Variants in TMEM62 observed in about 807,000 individuals in gnomAD.
TMEM62 encodes the protein transmembrane protein 62.
A neutral mutation model predicts 70.4 loss-of-function variants in TMEM62; 41 were observed. That is an observed-to-expected ratio of 0.58 (90% CI 0.45 to 0.76). TMEM62 has a LOEUF of 0.76. TMEM62 is among the 30% of genes least tolerant of loss of function. The pLI, the probability that TMEM62 is intolerant of heterozygous loss-of-function variation, is 0.00. For synonymous variants in TMEM62, 268 were observed against 291.0 expected, an observed-to-expected ratio of 0.92 and a Z score of 0.80; for missense variants, 688 against 788.5, an observed-to-expected ratio of 0.87 and a Z score of 1.53.
chr15:43,184,883 G>C lies in TMEM62; in HGVS notation c.*297G>C. The C allele has an allele frequency of 2.3e-6, 1 of 442,170 alleles. No individual in the cohort carries two copies. Among genetic ancestry groups the C allele is most frequent in the Non-Finnish European group, 4.1e-6 (1 of 244,348 alleles). 27.4% of individuals were successfully genotyped at this position (442,170 alleles called of 1,614,324 possible). On this transcript the variant is annotated 3_prime_UTR_variant, in exon 14 of 14. Transcript: ENST00000260403. ...AGGACATCCACAGGGTAGAGGTTGG[G>C]TGTGTGTACGGGAGTGTCTGAGGCC...
intron 8 of TMEM62, among the ~76,000 whole-genome samples, chr15:43,153,335 T>G (rs2037638607): frequency 6.6e-6 from 1 of 152,168 alleles, no homozygotes; most frequent in Non-Finnish European, 1.5e-5. Flanking sequence ...TAGCATTAAG[T>G]TTGCTTCAAG....
rs770692932 is a variant in TMEM62, at chr15:43,151,964, G to T, written c.1022+19G>T. 37 of 1,573,536 alleles carry T rather than the reference G, an allele frequency of 2.4e-5. No individual in the cohort carries two copies. The highest frequency in any genetic ancestry group is 3.7e-5 in the Admixed American group (2 of 53,524). ...ACATCAGGTATGTAGCAATTTTTTA[G>T]AATTTACTTTCAGTTTGATAATGAA... On this transcript the variant is annotated intron_variant, in intron 8 of 13. Transcript: ENST00000260403.
chr15:43,133,894 A>T lies in TMEM62; in HGVS notation c.92A>T (p.Gln31Leu). 1 of 1,499,640 alleles carries T rather than the reference A, an allele frequency of 6.7e-7. No homozygotes were observed. Among genetic ancestry groups the T allele is most frequent in the Non-Finnish European group, 8.8e-7 (1 of 1,132,400 alleles). 92.9% of individuals were successfully genotyped at this position (1,499,640 alleles called of 1,614,324 possible). Residue 31 changes from glutamine (Q) to leucine (L), a missense_variant, in exon 1 of 14, where the codon CAG becomes CTG. Transcript: ENST00000260403. ...MLLEHYGLAG[Q>L]PSPLPRPAPP... is the part of the protein sequence containing the mutation. ...TTGGAGCACTACGGCCTGGCGGGCC[A>T]GCCCTCGCCGCTGCCGCGCCCCGCG...
chr15:43,184,726 G>C lies in TMEM62; in HGVS notation c.*140G>C. 1 of 703,666 alleles carries C rather than the reference G, an allele frequency of 1.4e-6. No homozygotes were observed. Among genetic ancestry groups the C allele is most frequent in the South Asian group, 1.8e-5 (1 of 54,304 alleles). 43.6% of individuals were successfully genotyped at this position (703,666 alleles called of 1,614,324 possible). Reference sequence around the variant, plus strand: ...CAGCTGCTCGTTTGGAGTCCTGGACGTTGGAGGGATTACCCACTACTGATA... The same window carrying C: ...CAGCTGCTCGTTTGGAGTCCTGGACCTTGGAGGGATTACCCACTACTGATA... On this transcript the variant is annotated 3_prime_UTR_variant, in exon 14 of 14. Coordinates refer to ENST00000260403, the MANE Select transcript of TMEM62 (RefSeq NM_024956.4).
chr15:43,140,221 G>C (rs745642686), intron 4 of TMEM62, among the ~76,000 whole-genome samples: 1 of 152,200 alleles, frequency 6.6e-6, no homozygotes, highest in East Asian at 1.9e-4. Context: ...GCTGCGTACT[G>C]TTCAATGAGA....
At chr15:43,178,786 C>T in intron 12 of TMEM62, 75 bp downstream of exon 12, 2 of 828,396 alleles carry the variant, frequency 2.4e-6, no homozygotes, top group Non-Finnish European at 3.8e-6. Flanking sequence ...GAATTAGACT[C>T]TTGAGGGTAT....
chr15:43,167,996 C>A (rs1048293036), intron 10 of TMEM62, among the ~76,000 whole-genome samples: 2 of 151,946 alleles, frequency 1.3e-5, no homozygotes, highest in African/African-American at 4.8e-5. Flanking sequence ...TGGCGGCGCA[C>A]GCCTGCAATC....
Position 43,184,613 on chromosome 15 carries a change from G to C in TMEM62, c.*27G>C. On this transcript the variant is annotated 3_prime_UTR_variant, in exon 14 of 14. Transcript: ENST00000260403. ...GGCCATGTCTCACCACTGGCAGCTG[G>C]GCAGAAGCCCAGCCTCTGTGTCTGT... 6.3e-7 allele frequency: 1 copy of C among 1,595,300 alleles called. No individual in the cohort carries two copies.
Position 43,156,397 on chromosome 15 carries a change from G to A in TMEM62, c.1182+1566G>A, listed in dbSNP as rs1463078264. Among the ~76,000 whole-genome samples, 4 of 152,148 alleles carry A rather than the reference G, an allele frequency of 2.6e-5. No individual in the cohort carries two copies. The East Asian group carries it at 5.8e-4, about 22-fold the overall frequency. ...ATCCATCTTTAAAATGTTCTGTGTA[G>A]AAGGAAGAAAAAACTTACAGCAGAA... On this transcript the variant is annotated intron_variant, in intron 9 of 13. Transcript: ENST00000260403.
In TMEM62 at chr15:43,177,781, C is replaced by A. The variant is rs537401863; in HGVS notation, c.1382-826C>A. ...CCAAACACCGTATGTTCTCACTCAT[C>A]GGTGGGAATTGAACAATGAGAACAC... On this transcript the variant is annotated intron_variant, in intron 11 of 13. Coordinates refer to ENST00000260403, the MANE Select transcript of TMEM62 (RefSeq NM_024956.4). Among the ~76,000 whole-genome samples, 206 of 151,628 alleles carry A rather than the reference C, an allele frequency of 1.4e-3. 2 individuals are homozygous for A. The highest frequency in any genetic ancestry group is 3.3e-3 in the African/African-American group (138 of 41,216).
chr15:43,146,501 C>A lies in TMEM62; in HGVS notation c.485C>A (p.Ser162Tyr). The A allele has an allele frequency of 6.2e-7, 1 of 1,607,500 alleles. No homozygotes were observed. Among genetic ancestry groups the A allele is most frequent in the Admixed American group, 1.7e-5 (1 of 58,090 alleles). The change falls in exon 5 of 14, where the codon TCT (serine) becomes TAT (tyrosine). Residue 162 changes from serine to tyrosine, a missense_variant. Transcript: ENST00000260403. ...TGTCTTCTATTTTTTAGGAAATATT[C>A]TGCTGTACGTAGAGATGGCTCTTTC... Reference protein sequence around the residue: ...DSIKNYYRKYSAVRRDGSFHY... With the variant: ...DSIKNYYRKYYAVRRDGSFHY...
At chr15:43,164,517 C>T (rs1376491420) in intron 10 of TMEM62, among the ~76,000 whole-genome samples, 2 of 150,344 alleles carry the variant, frequency 1.3e-5, no homozygotes, top group East Asian at 3.9e-4. Flanking sequence ...GCCAATACAA[C>T]CAGCTAATTT....
rs193087163 is a variant in TMEM62, at chr15:43,146,544, T to C, written c.528T>C (p.Thr176=). 4.3e-6 allele frequency: 7 copies of C among 1,613,746 alleles called. No homozygotes were observed. Among genetic ancestry groups the C allele is most frequent in the Admixed American group, 1.7e-5 (1 of 60,002 alleles). Residue 176 remains threonine, a synonymous_variant, in exon 5 of 14, where the codon ACT becomes ACC. Coordinates refer to ENST00000260403, the MANE Select transcript of TMEM62 (RefSeq NM_024956.4). ...RDGSFHYVHS[T]PFGNYSFICV... is the part of the protein sequence containing the mutation. The stretch of plus-strand genomic sequence containing the variant: ...GCTCTTTCCATTATGTCCACAGTAC[T>C]CCCTTTGGCAACTATTCGTTCATCT...
At chr15:43,169,022 G>C (rs955880530) in intron 10 of TMEM62, 6 of 152,566 alleles carry the variant, frequency 3.9e-5, no homozygotes, top group African/African-American at 1.2e-4. Flanking sequence ...AAGTCTCACA[G>C]TCATTTTGCT....
chr15:43,135,815 T>C, intron 3 of TMEM62, 166 bp downstream of exon 3: 2 of 726,156 alleles, frequency 2.8e-6, no homozygotes, highest in African/African-American at 1.8e-5. Context: ...ACTTCAAATG[T>C]CATTGTTAGC....
At chr15:43,175,288 A>G (rs1356864144) in intron 11 of TMEM62, among the ~76,000 whole-genome samples, 1 of 152,246 alleles carries the variant, frequency 6.6e-6, no homozygotes, top group African/African-American at 2.4e-5. Context: ...GGCTTTGCAT[A>G]AAATGAAGTG....
Position 43,160,831 on chromosome 15 carries a change from G to T in TMEM62, c.1296+37G>T, listed in dbSNP as rs746716949. 1.2e-5 allele frequency: 15 copies of T among 1,283,902 alleles called. No homozygotes were observed. The South Asian group carries it at 1.5e-4, about 13-fold the overall frequency. 79.5% of individuals were successfully genotyped at this position (1,283,902 alleles called of 1,614,324 possible). On this transcript the variant is annotated intron_variant, in intron 10 of 13. Coordinates refer to ENST00000260403, the MANE Select transcript of TMEM62 (RefSeq NM_024956.4). ...CAATTAAATATTACATATGTTAAAT[G>T]CAGAGTCCTAAATAATATACAGTAG...
intron 7 of TMEM62, 80 bp from the exon 8 acceptor site, chr15:43,151,710 T>C: frequency 8.1e-7 from 1 of 1,238,810 alleles, no homozygotes; most frequent in Non-Finnish European, 1.1e-6. Flanking sequence ...TATGTATTTT[T>C]ATATTTGTTC....
At chr15:43,167,711 C>T (rs2039683924) in intron 10 of TMEM62, among the ~76,000 whole-genome samples, 2 of 152,152 alleles carry the variant, frequency 1.3e-5, no homozygotes, top group South Asian at 2.1e-4. Context: ...TCCTCACTTC[C>T]CAGACGGGGT....
Sources: allele counts gnomAD v4.1 joint callset (sites outside exome capture counted in the v4.1 genomes callset), GRCh38; gene constraint gnomAD v4.1.1; transcripts MANE v1.5; gene names NCBI Gene and HGNC (gene_info 2026-07-23, HGNC 2026-07-21).